Variants in NT5C1A observed in about 807,000 individuals in gnomAD.
NT5C1A encodes 5'-nucleotidase, cytosolic IA.
In NT5C1A, 18 loss-of-function variants were observed where a neutral mutation model predicts 31.0. That is an observed-to-expected ratio of 0.58 (90% CI 0.40 to 0.86). The LOEUF (loss-of-function observed/expected upper bound fraction) is 0.86, where lower values mean the gene tolerates loss of function less well. Ranked by LOEUF, NT5C1A falls within the 40% of genes least tolerant of loss-of-function variation. The pLI is 0.00. For missense variants in NT5C1A, 470 were observed against 505.4 expected (o/e 0.93, Z 0.67); for synonymous variants, 185 against 203.6 (o/e 0.91, Z 0.78).
chr1:39,663,567 A>C, intron 3 of NT5C1A, 133 bp from the exon 4 acceptor site: 1 of 853,088 alleles, frequency 1.2e-6, no homozygotes, highest in Non-Finnish European at 1.8e-6. Flanking sequence ...GTGTAATTTT[A>C]GGCCAGTGTT....
rs1646472383 is a variant in NT5C1A at position 39,658,124 on chromosome 1, C to CA, written c.*996dup. 6.6e-6 allele frequency among the ~76,000 whole-genome samples: 1 copy of CA among 152,220 alleles called. No individual in the cohort carries two copies. On this transcript the variant is annotated 3_prime_UTR_variant, in exon 6 of 6. Transcript: ENST00000235628. Reference sequence around the variant, plus strand: ...TGGTGGAAGTGAGGGTCTTGGCAGGCAAGAGCAACTGAACTTCGGCTCAAA... The same window carrying CA: ...TGGTGGAAGTGAGGGTCTTGGCAGGCAAAGAGCAACTGAACTTCGGCTCAAA...
At chr1:39,670,589 T>C (rs1222101749) in intron 1 of NT5C1A, among the ~76,000 whole-genome samples, 1 of 152,118 alleles carries the variant, frequency 6.6e-6, no homozygotes, top group Non-Finnish European at 1.5e-5. Context: ...GGGAAGCTAG[T>C]TTGGAAATCC....
At chr1:39,660,643 C>T (rs968830084) in intron 5 of NT5C1A, among the ~76,000 whole-genome samples, 1 of 151,710 alleles carries the variant, frequency 6.6e-6, no homozygotes, top group Non-Finnish European at 1.5e-5. Flanking sequence ...CTCAGAGGGG[C>T]GGGGGATCTC....
chr1:39,658,359 T>C lies in NT5C1A; in HGVS notation c.*762A>G, dbSNP rs1212273552. 6.6e-6 allele frequency among the ~76,000 whole-genome samples: 1 copy of C among 152,176 alleles called. No individual in the cohort carries two copies. Among genetic ancestry groups the C allele is most frequent in the Non-Finnish European group, 1.5e-5 (1 of 68,050 alleles). ...AGTGGTTTCAAAATGTGTAAAATTA[T>C]AGATAGAGTTGCTGGGGGCGATTTT... On this transcript the variant is annotated 3_prime_UTR_variant, in exon 6 of 6. Coordinates refer to ENST00000235628, the MANE Select transcript of NT5C1A (RefSeq NM_032526.3).
At chr1:39,666,873 C>T (rs896608239) in intron 1 of NT5C1A, among the ~76,000 whole-genome samples, 1 of 152,234 alleles carries the variant, frequency 6.6e-6, no homozygotes, top group Non-Finnish European at 1.5e-5. Flanking sequence ...AAGTCAGCCT[C>T]AACTCCCTTC....
In NT5C1A at chr1:39,652,403, C is replaced by T. The variant is rs1557742590; in HGVS notation, c.*6718G>A. Among the ~76,000 whole-genome samples, 1 of 152,238 alleles carries T rather than the reference C, an allele frequency of 6.6e-6. No individual in the cohort carries two copies. The highest frequency in any genetic ancestry group is 1.5e-5 in the Non-Finnish European group (1 of 68,042). On this transcript the variant is annotated 3_prime_UTR_variant, in exon 6 of 6. Coordinates refer to ENST00000235628, the MANE Select transcript of NT5C1A (RefSeq NM_032526.3). ...GGCCACATTCCCATGTGGCAGCAAC[C>T]ATGGCAGACCACAGTGTTCTCCATT...
Position 39,657,910 on chromosome 1 carries a change from G to C in NT5C1A, c.*1211C>G, listed in dbSNP as rs1328980990. ...TCTCAGTACCTTCTGTCTCACACCA[G>C]ACCTCCTGACACTTCCCACTTCACC... On this transcript the variant is annotated 3_prime_UTR_variant, in exon 6 of 6. Transcript: ENST00000235628. 6.6e-6 allele frequency among the ~76,000 whole-genome samples: 1 copy of C among 152,108 alleles called. No homozygotes were observed. The highest frequency in any genetic ancestry group is 1.5e-5 in the Non-Finnish European group (1 of 68,012).
intron 3 of NT5C1A, among the ~76,000 whole-genome samples, chr1:39,665,288 G>A (rs1646515239): frequency 6.6e-6 from 1 of 152,194 alleles, no homozygotes; most frequent in African/African-American, 2.4e-5. Flanking sequence ...CATTTGTGTT[G>A]TTCAACCACT....
intron 4 of NT5C1A, 64 bp from the exon 5 acceptor site, chr1:39,661,327 CTT>C (rs1646492378): frequency 1.2e-6 from 1 of 833,940 alleles, no homozygotes; most frequent in Non-Finnish European, 2.0e-6. Flanking sequence ...AGTGGGCTAT[CTT>C]AGGCTATCCT....
At position 39,659,208 on chromosome 1, in the gene NT5C1A, C is replaced by T; in HGVS notation, c.1020G>A (p.Met340Ile). 1 of 1,614,072 alleles carries T rather than the reference C, an allele frequency of 6.2e-7. No homozygotes were observed. Among genetic ancestry groups the T allele is most frequent in the Non-Finnish European group, 8.5e-7 (1 of 1,180,032 alleles). Residue 340 changes from methionine (M) to isoleucine (I), a missense_variant, in exon 6 of 6, where the codon ATG becomes ATA. Physicochemically the swap from Met to Ile is conservative, Grantham distance 10. Transcript: ENST00000235628. ...QMFHVAGAQE[M>I]GTVAAHVPYG... ...AAGGCACATGGGCGGCCACAGTGCCCATCTCCTGAGCCCCAGCCACATGGA... is the reference window on the plus strand; with the variant it reads ...AAGGCACATGGGCGGCCACAGTGCCTATCTCCTGAGCCCCAGCCACATGGA...
Position 39,651,847 on chromosome 1 carries a change from T to A in NT5C1A, c.*7274A>T, listed in dbSNP as rs541896879. ...GAGTTCGAGACCAGCCTGGCCAATATGGTGAAACCCCATCTCTACTAAAAA... is the reference window on the plus strand; with the variant it reads ...GAGTTCGAGACCAGCCTGGCCAATAAGGTGAAACCCCATCTCTACTAAAAA... On this transcript the variant is annotated 3_prime_UTR_variant, in exon 6 of 6. Coordinates refer to ENST00000235628, the MANE Select transcript of NT5C1A (RefSeq NM_032526.3). 2.9e-4 allele frequency among the ~76,000 whole-genome samples: 44 copies of A among 151,710 alleles called. No individual in the cohort carries two copies. The highest frequency in any genetic ancestry group is 9.9e-4 in the African/African-American group (41 of 41,406).
chr1:39,664,492 T>TGTCTCCTCTC (rs369183926), intron 3 of NT5C1A, among the ~76,000 whole-genome samples: 1 of 606 alleles, frequency 1.7e-3, no homozygotes, highest in Non-Finnish European at 3.3e-3. Context: ...GGATTTCTCC[T>TGTCTCCTCTC]CCTCTCCTCT....
At position 39,672,040 on chromosome 1, in the gene NT5C1A, C is replaced by T. The variant is rs557019945; in HGVS notation, c.-2G>A. On this transcript the variant is annotated 5_prime_UTR_variant, in exon 1 of 6. Transcript: ENST00000235628. ...CTCCCGGGGCTGCCCAGGTTCCATG[C>T]TCCGGCTCTGACCCGGCCCGGCCAG... 1.3e-6 allele frequency: 2 copies of T among 1,594,408 alleles called. No individual in the cohort carries two copies. The highest frequency in any genetic ancestry group is 2.7e-5 in the African/African-American group (2 of 74,108).
chr1:39,660,096 A>C (rs987060588), intron 5 of NT5C1A, among the ~76,000 whole-genome samples: 1 of 152,224 alleles, frequency 6.6e-6, no homozygotes, highest in African/African-American at 2.4e-5. Flanking sequence ...AGAAATAAAC[A>C]AAAGTGGGCT....
In NT5C1A at chr1:39,656,132, G is replaced by A. The variant is rs971795038; in HGVS notation, c.*2989C>T. Among the ~76,000 whole-genome samples the A allele has an allele frequency of 1.3e-5, 2 of 152,160 alleles. No homozygotes were observed. The highest frequency in any genetic ancestry group is 2.9e-5 in the Non-Finnish European group (2 of 68,034). On this transcript the variant is annotated 3_prime_UTR_variant, in exon 6 of 6. Transcript: ENST00000235628. ...ATTGGCTCTGGGATTTTGCTGGCAGGCATCTCCTGGAACCAGTGTTCTGCA... is the reference window on the plus strand; with the variant it reads ...ATTGGCTCTGGGATTTTGCTGGCAGACATCTCCTGGAACCAGTGTTCTGCA...
rs1646462513 is a variant in NT5C1A at position 39,657,112 on chromosome 1, T to C, written c.*2009A>G. Among the ~76,000 whole-genome samples, 1 of 152,208 alleles carries C rather than the reference T, an allele frequency of 6.6e-6. No homozygotes were observed. Among genetic ancestry groups the C allele is most frequent in the Non-Finnish European group, 1.5e-5 (1 of 68,038 alleles). On this transcript the variant is annotated 3_prime_UTR_variant, in exon 6 of 6. Transcript: ENST00000235628. ...CAGGGGCAATAATGCCAGTGTCCCCTGATAAAGCAGTCACTGTGGGTATCT... is the reference window on the plus strand; with the variant it reads ...CAGGGGCAATAATGCCAGTGTCCCCCGATAAAGCAGTCACTGTGGGTATCT...
intron 1 of NT5C1A, among the ~76,000 whole-genome samples, chr1:39,671,100 C>T (rs757209100): frequency 5.9e-5 from 9 of 152,162 alleles, no homozygotes; most frequent in Non-Finnish European, 1.3e-4. Context: ...CCGCTGTGGG[C>T]CAACCTCTAT....
rs1489900308 is a variant in NT5C1A, at chr1:39,652,466, A to T, written c.*6655T>A. 6.6e-6 allele frequency among the ~76,000 whole-genome samples: 1 copy of T among 151,864 alleles called. No individual in the cohort carries two copies. Among genetic ancestry groups the T allele is most frequent in the East Asian group, 1.9e-4 (1 of 5,154 alleles). On this transcript the variant is annotated 3_prime_UTR_variant, in exon 6 of 6. Transcript: ENST00000235628. ...CTGGCTTAATCCTCTCCACTCATTT[A>T]TGTTTCCTGCCTCGCCCCTGTAGGC...
chr1:39,666,335 C>T (rs1557746926), intron 1 of NT5C1A, 99 bp from the exon 2 acceptor site: 4 of 1,189,134 alleles, frequency 3.4e-6, no homozygotes, highest in African/African-American at 1.5e-5. Flanking sequence ...ATGGAGAAGA[C>T]CCAGACCCAG....
Sources: allele counts gnomAD v4.1 joint callset (sites outside exome capture counted in the v4.1 genomes callset), GRCh38; gene constraint gnomAD v4.1.1; transcripts MANE v1.5; gene names NCBI Gene and HGNC (gene_info 2026-07-23, HGNC 2026-07-21).